Variants in PEX5L observed in about 807,000 individuals in gnomAD.
PEX5L encodes the protein peroxisomal biogenesis factor 5 like.
A neutral mutation model predicts 84.0 loss-of-function variants in PEX5L; 30 were observed. The observed-to-expected ratio is 0.36, with a 90% CI of 0.27 to 0.48. The LOEUF (loss-of-function observed/expected upper bound fraction) is 0.48. Among genes scored for constraint, PEX5L ranks in the 20% least tolerant of loss-of-function variants. PEX5L has a pLI of 0.99. For synonymous variants in PEX5L, 270 were observed against 283.1 expected (o/e 0.95, Z 0.46); for missense variants, 533 against 754.6 (o/e 0.71, Z 3.44).
intron 1 of PEX5L, among the ~76,000 whole-genome samples, chr3:179,996,563 T>G (rs1787907831): frequency 6.6e-6 from 1 of 152,138 alleles, no homozygotes; most frequent in Non-Finnish European, 1.5e-5. Context: ...ATAAGTCACT[T>G]TAGGCCTACT....
rs1716428933 is a variant in PEX5L, at chr3:179,795,137, T to A, written c.*6691A>T. On this transcript the variant is annotated 3_prime_UTR_variant, in exon 15 of 15. Transcript: ENST00000467460. ...ATCATATGTAGTGATATTCAATATT[T>A]AATAAAAGGACCTTTAGCCAGTAGT... The A allele has an allele frequency of 6.6e-6, 1 of 152,180 alleles. No homozygotes were observed. Among genetic ancestry groups the A allele is most frequent in the African/African-American group, 2.4e-5 (1 of 41,448 alleles). 9.4% of individuals were successfully genotyped at this position (152,180 alleles called of 1,614,324 possible).
chr3:179,985,972 G>A (rs1489402122), intron 1 of PEX5L, among the ~76,000 whole-genome samples: 1 of 152,082 alleles, frequency 6.6e-6, no homozygotes, highest in Non-Finnish European at 1.5e-5. Context: ...GCATTCAGGG[G>A]CTATACTGGT....
At chr3:179,920,913 A>C (rs1215316791) in intron 2 of PEX5L, among the ~76,000 whole-genome samples, 2 of 152,214 alleles carry the variant, frequency 1.3e-5, no homozygotes, top group Admixed American at 6.5e-5. Context: ...TACACAGTAT[A>C]ATATATACAC....
rs113101499 is a variant in PEX5L at position 179,817,077 on chromosome 3, A to T, written c.940-1073T>A. ...CCACATACTGTATATCTGTTTACCT[A>T]CTAGGGCCCTTTGGAGAACTACAAA... is the stretch of plus-strand genomic sequence containing the variant. On this transcript the variant is annotated intron_variant, in intron 9 of 14. Transcript: ENST00000467460. 5.0e-3 allele frequency among the ~76,000 whole-genome samples: 766 copies of T among 152,340 alleles called. 7 individuals are homozygous for T. Among genetic ancestry groups the T allele is most frequent in the African/African-American group, 0.018 (730 of 41,578 alleles).
At chr3:180,007,709 G>A (rs1355915207) in intron 1 of PEX5L, among the ~76,000 whole-genome samples, 1 of 152,220 alleles carries the variant, frequency 6.6e-6, no homozygotes, top group Non-Finnish European at 1.5e-5. Flanking sequence ...GCACCTGCAG[G>A]CTAAATACCA....
At chr3:180,007,003 A>G (rs1579319421) in intron 1 of PEX5L, among the ~76,000 whole-genome samples, 1 of 152,306 alleles carries the variant, frequency 6.6e-6, no homozygotes, top group Non-Finnish European at 1.5e-5. Flanking sequence ...CCTTCCCAAC[A>G]ATACCCCAAA....
intron 11 of PEX5L, among the ~76,000 whole-genome samples, chr3:179,810,394 T>C (rs1723329906): frequency 6.6e-6 from 1 of 152,142 alleles, no homozygotes; most frequent in South Asian, 2.1e-4. Flanking sequence ...TTACAGTCTT[T>C]TGCAAAGGAG....
At chr3:179,921,010 A>G (rs1482237440) in intron 2 of PEX5L, among the ~76,000 whole-genome samples, 2 of 152,120 alleles carry the variant, frequency 1.3e-5, no homozygotes, top group African/African-American at 2.4e-5. Flanking sequence ...GGGACACTGA[A>G]CCCTAATCAA....
At chr3:179,954,040 T>C (rs77359627) in intron 2 of PEX5L, among the ~76,000 whole-genome samples, 2,891 of 152,294 alleles carry the variant, frequency 0.019, 46 homozygotes, top group Middle Eastern at 0.031. Flanking sequence ...TCAATGTCGT[T>C]AATTCTATAA....
chr3:179,810,474 C>T lies in PEX5L; in HGVS notation c.1155-806G>A, dbSNP rs550136269. 4.1e-4 allele frequency among the ~76,000 whole-genome samples: 63 copies of T among 152,284 alleles called. 2 individuals carry two copies. The highest frequency in any genetic ancestry group is 3.4e-3 in the Middle Eastern group (1 of 294). ...GAGACACAGGCTAAAGCTACTCCCC[C>T]TCATTCTATTCCACTGGCCTCTAGC... On this transcript the variant is annotated intron_variant, in intron 11 of 14. Transcript: ENST00000467460.
intron 1 of PEX5L, 148 bp from the exon 2 acceptor site, chr3:179,971,813 A>T (rs1399754282): frequency 3.9e-6 from 3 of 776,616 alleles, no homozygotes; most frequent in Non-Finnish European, 5.6e-6. Context: ...GTACAACAGC[A>T]AATGTTTTTA....
chr3:179,880,171 A>C (rs373042843), intron 4 of PEX5L, 48 bp from the exon 5 acceptor site: 1 of 1,179,282 alleles, frequency 8.5e-7, no homozygotes, highest in Non-Finnish European at 1.2e-6. Flanking sequence ...CTACTCTGAA[A>C]TTATTTAAAA....
chr3:179,943,108 T>C (rs937307504), intron 2 of PEX5L, among the ~76,000 whole-genome samples: 8 of 152,218 alleles, frequency 5.3e-5, no homozygotes, highest in African/African-American at 1.9e-4. Context: ...AATATTATTG[T>C]TGTTATTATT....
intron 5 of PEX5L, among the ~76,000 whole-genome samples, chr3:179,878,922 T>C (rs1297246559): frequency 1.3e-5 from 2 of 152,240 alleles, no homozygotes; most frequent in East Asian, 3.8e-4. Context: ...TCCTAGCACA[T>C]AGTTTGTGCT....
intron 2 of PEX5L, chr3:179,900,528 A>G (rs575780542): frequency 1.6e-6 from 1 of 614,234 alleles, no homozygotes; most frequent in Admixed American, 2.7e-5. Context: ...AGCAAGGGAC[A>G]TGCCATTTCA....
chr3:179,928,844 C>T (rs886085788), intron 2 of PEX5L, among the ~76,000 whole-genome samples: 6 of 152,170 alleles, frequency 3.9e-5, no homozygotes, highest in Non-Finnish European at 8.8e-5. Context: ...GCAATTAAAT[C>T]CTAACCCATT....
rs1358307940 is a variant in PEX5L, at chr3:179,796,515, T to TG, written c.*5312_*5313insC. ...AAACCTCACAGTTTAATTTTCTGTG[T>TG]TTTTTTTTTTCCTCTTAACTGTTTA... On this transcript the variant is annotated 3_prime_UTR_variant, in exon 15 of 15. Transcript: ENST00000467460. 1 of 137,960 alleles carries TG rather than the reference T, an allele frequency of 7.2e-6. No individual in the cohort carries two copies. Among genetic ancestry groups the TG allele is most frequent in the East Asian group, 2.0e-4 (1 of 4,990 alleles). The allele number at this position is 137,960 out of a possible 1,614,324, so 8.5% of individuals were successfully genotyped here.
chr3:179,923,301 A>AACAAC (rs1553900533), intron 2 of PEX5L, among the ~76,000 whole-genome samples: 1 of 143,276 alleles, frequency 7.0e-6, no homozygotes, highest in African/African-American at 2.6e-5. Flanking sequence ...AAAAAAAAAA[A>AACAAC]AAAAAAAAAA....
chr3:180,032,758 G>A (rs746738684), intron 1 of PEX5L, among the ~76,000 whole-genome samples: 3 of 152,182 alleles, frequency 2.0e-5, no homozygotes, highest in Non-Finnish European at 4.4e-5. Flanking sequence ...GGAGACTGAG[G>A]TGGGAGAATT....
Sources: gnomAD v4.1 joint callset for allele counts (sites outside exome capture counted in the v4.1 genomes callset) on GRCh38, gnomAD v4.1.1 for gene constraint, MANE v1.5 for transcripts, NCBI Gene and HGNC (gene_info 2026-07-23, HGNC 2026-07-21) for gene names.